The following STK3 variants were observed in gnomAD, a reference collection of about 807,000 sequenced individuals.
STK3 encodes the protein serine/threonine-protein kinase 3.
In STK3, 41 loss-of-function variants were observed where a neutral mutation model predicts 58.0. The ratio of observed to expected loss-of-function variants is 0.71; its 90% CI spans 0.55 to 0.92. The LOEUF (loss-of-function observed/expected upper bound fraction) is 0.92. Among genes scored for constraint, STK3 ranks in the 40% least tolerant of loss-of-function variants. The pLI is 0.00. For synonymous variants in STK3, 170 were observed against 191.0 expected (o/e 0.89, Z 0.91); for missense variants, 479 against 602.7 (o/e 0.79, Z 2.15).
downstream of STK3, among the ~76,000 whole-genome samples, chr8:98,397,029 C>T (rs758640375): frequency 3.3e-5 from 5 of 152,100 alleles, no homozygotes; most frequent in South Asian, 2.1e-4. Context: ...CACTAATTAC[C>T]GAAGGTCAAA....
In STK3 at chr8:98,418,194, G is replaced by A. The variant is rs547254496; in HGVS notation, n.483+15933C>T. ...CCCAAAGTGCTGAGATTACAGGCAT[G>A]AGCCACTGTGTCCAGTTCTGATTTT... On this transcript the variant is annotated intron_variant and non_coding_transcript_variant, in intron 3 of 3. Coordinates refer to the STK3 transcript ENST00000517832. 1.2e-4 allele frequency among the ~76,000 whole-genome samples: 18 copies of A among 152,344 alleles called. No homozygotes were observed. The East Asian group carries it at 3.1e-3, about 26-fold the overall frequency.
intron 1 of STK3, among the ~76,000 whole-genome samples, chr8:98,893,550 AAG>A (rs758009379): frequency 6.0e-5 from 9 of 150,454 alleles, no homozygotes; most frequent in Non-Finnish European, 1.3e-4. Context: ...AAGAAAGAGA[AAG>A]AGAAAGAGAG....
At chr8:98,941,689 G>A (rs2132069529) in intron 1 of STK3, among the ~76,000 whole-genome samples, 1 of 152,312 alleles carries the variant, frequency 6.6e-6, no homozygotes. Context: ...GGCCTGCGCT[G>A]CGCGCCCCCT....
intron 6 of STK3, among the ~76,000 whole-genome samples, chr8:98,649,505 C>A (rs559201924): frequency 9.2e-5 from 14 of 152,088 alleles, no homozygotes; most frequent in Non-Finnish European, 1.6e-4. Flanking sequence ...TTGTAAGAGA[C>A]CAAAGATTCA....
At chr8:98,344,892 CAAAAAA>C in the STK3 span, among the ~76,000 whole-genome samples, 1,234 of 47,424 alleles carry the variant, frequency 0.026, 22 homozygotes, top group African/African-American at 0.096. Flanking sequence ...GACTCCGTCT[CAAAAAA>C]AAAAAAAAAA....
chr8:98,822,012 A>T (rs567878376), intron 1 of STK3, among the ~76,000 whole-genome samples: 2 of 152,284 alleles, frequency 1.3e-5, no homozygotes, highest in South Asian at 4.1e-4. Flanking sequence ...TTATGTGTTG[A>T]TATGTGTACA....
At chr8:98,924,606 A>C (rs1224248131) in intron 1 of STK3, among the ~76,000 whole-genome samples, 1 of 152,232 alleles carries the variant, frequency 6.6e-6, no homozygotes. Flanking sequence ...TGATCACTAC[A>C]GACTGAATTT....
exon 2 of STK3, chr8:98,437,112 C>A (rs1049922933): frequency 6.6e-6 from 1 of 152,298 alleles, no homozygotes; most frequent in Non-Finnish European, 1.5e-5. Flanking sequence ...CTAGTGACTT[C>A]TTGGCCACCG....
chr8:98,925,428 CAGA>C (rs1839751722), intron 1 of STK3, among the ~76,000 whole-genome samples: 1 of 152,194 alleles, frequency 6.6e-6, no homozygotes, highest in Non-Finnish European at 1.5e-5. Context: ...GATCATGGAG[CAGA>C]TTGGCAGCAG....
At chr8:98,846,992 T>C (rs1335274950) in intron 3 of STK3, among the ~76,000 whole-genome samples, 1 of 152,156 alleles carries the variant, frequency 6.6e-6, no homozygotes, top group Non-Finnish European at 1.5e-5. Context: ...TCAAAACTCA[T>C]CTAGTCACCA....
At chr8:98,580,629 T>A (rs1021436458) in intron 7 of STK3, among the ~76,000 whole-genome samples, 5 of 152,198 alleles carry the variant, frequency 3.3e-5, no homozygotes, top group African/African-American at 1.2e-4. Flanking sequence ...ATTTGTTTGT[T>A]TGAGACAGGG....
Position 98,503,083 on chromosome 8 carries a change from G to A in STK3, c.1317+23659C>T, listed in dbSNP as rs575085826. 3.8e-4 allele frequency among the ~76,000 whole-genome samples: 58 copies of A among 152,126 alleles called. 1 individual carries two copies. Among genetic ancestry groups the A allele is most frequent in the African/African-American group, 1.3e-3 (56 of 41,520 alleles). ...TTAATTATTGCCTCAATTTCAGAGC[G>A]TGTTATTGGTCTATTCAGAGATTCA... On this transcript the variant is annotated intron_variant, in intron 10 of 10. Transcript: ENST00000419617.
chr8:98,498,229 G>A (rs1823297166), intron 10 of STK3, among the ~76,000 whole-genome samples: 2 of 152,094 alleles, frequency 1.3e-5, no homozygotes, highest in East Asian at 3.9e-4. Context: ...AGGGGTAGAG[G>A]GGTAGAGAAA....
rs572852967 is a variant in STK3 at position 98,823,140 on chromosome 8, A to G, written c.26+2375T>C. 3.9e-5 allele frequency among the ~76,000 whole-genome samples: 6 copies of G among 152,336 alleles called. No individual in the cohort carries two copies. The East Asian group carries it at 1.2e-3, about 29-fold the overall frequency. ...CTTGAGAAAGAAAACAGAAAAAATT[A>G]ATCCACCAACTTTTTAATAGAAAAT... is the stretch of plus-strand genomic sequence containing the variant. On this transcript the variant is annotated intron_variant, in intron 1 of 10. Transcript: ENST00000419617.
At chr8:98,929,494 A>C (rs919651312) in intron 1 of STK3, among the ~76,000 whole-genome samples, 120 of 152,254 alleles carry the variant, frequency 7.9e-4, no homozygotes, top group African/African-American at 2.8e-3. Context: ...CCATCTCTGC[A>C]AAAAAATTAG....
chr8:98,538,002 AATAT>A (rs1443787652), intron 9 of STK3, among the ~76,000 whole-genome samples: 2 of 152,154 alleles, frequency 1.3e-5, no homozygotes, highest in African/African-American at 4.8e-5. Flanking sequence ...TAAAAATTTA[AATAT>A]ATAAAGTAAT....
chr8:98,605,765 C>T lies in STK3; in HGVS notation c.685-9596G>A, dbSNP rs542169043. ...GTCAAATTGTAATCCCCAATGTTAG[C>T]GGTGGGGCCTGATGGGAGGTGATTG... is the stretch of plus-strand genomic sequence containing the variant. On this transcript the variant is annotated intron_variant, in intron 6 of 10. Coordinates refer to ENST00000419617, the MANE Select transcript of STK3 (RefSeq NM_006281.4). Among the ~76,000 whole-genome samples, 22 of 152,108 alleles carry T rather than the reference C, an allele frequency of 1.4e-4. No homozygotes were observed. In the East Asian group the frequency reaches 2.5e-3, roughly 17 times the overall value.
intron 9 of STK3, among the ~76,000 whole-genome samples, chr8:98,527,413 G>C (rs971510179): frequency 2.7e-4 from 41 of 152,002 alleles, no homozygotes; most frequent in African/African-American, 9.9e-4. Flanking sequence ...GAGCCCAGGA[G>C]TTCAAGACCA....
chr8:98,409,996 G>A (rs1454040258), intron 3 of STK3, among the ~76,000 whole-genome samples: 1 of 152,202 alleles, frequency 6.6e-6, no homozygotes, highest in Admixed American at 6.5e-5. Flanking sequence ...CATTGAACTG[G>A]TCTAATTTAT....
Sources: allele counts gnomAD v4.1 joint callset (sites outside exome capture counted in the v4.1 genomes callset), GRCh38; gene constraint gnomAD v4.1.1; transcripts MANE v1.5; gene names NCBI Gene and HGNC (gene_info 2026-07-23, HGNC 2026-07-21).